The following MAP3K1 variants were observed in gnomAD, a reference collection of about 807,000 sequenced individuals.
MAP3K1 encodes MAP/ERK kinase kinase 1.
Under a neutral mutation model 144.2 loss-of-function variants are expected in MAP3K1, and 36 were observed. That is an observed-to-expected ratio of 0.25 (90% CI 0.19 to 0.33). The LOEUF (loss-of-function observed/expected upper bound fraction) is 0.33, where lower values mean the gene tolerates loss of function less well. Ranked by LOEUF, MAP3K1 falls within the 10% of genes least tolerant of loss-of-function variation. The pLI is 1.00. For missense variants in MAP3K1, 1,650 were observed against 1,881.9 expected, an observed-to-expected ratio of 0.88 and a Z score of 2.28; for synonymous variants, 718 against 688.7, an observed-to-expected ratio of 1.04 and a Z score of -0.67.
intron 1 of MAP3K1, among the ~76,000 whole-genome samples, chr5:56,826,500 T>A (rs973925818): frequency 6.6e-6 from 1 of 152,214 alleles, no homozygotes; most frequent in African/African-American, 2.4e-5. Context: ...AGGGAAAAAA[T>A]GTTGCTGCCA....
chr5:56,849,602 G>A (rs73135053), intron 1 of MAP3K1, among the ~76,000 whole-genome samples: 5,988 of 152,152 alleles, frequency 0.039, 417 homozygotes, highest in African/African-American at 0.14. Flanking sequence ...TATAAATGTT[G>A]TATCATATAA....
intron 1 of MAP3K1, among the ~76,000 whole-genome samples, chr5:56,825,284 A>T (rs1746277478): frequency 6.6e-6 from 1 of 152,210 alleles, no homozygotes; most frequent in Non-Finnish European, 1.5e-5. Context: ...AAGTGCTGAG[A>T]TTACAGGTGT....
intron 1 of MAP3K1, among the ~76,000 whole-genome samples, chr5:56,828,369 A>G (rs1443301198): frequency 6.6e-6 from 1 of 152,202 alleles, no homozygotes; most frequent in Non-Finnish European, 1.5e-5. Context: ...TCTCAGTTCC[A>G]TTCAAGCTCT....
chr5:56,851,257 T>C (rs1747161690), intron 1 of MAP3K1, among the ~76,000 whole-genome samples: 1 of 152,192 alleles, frequency 6.6e-6, no homozygotes, highest in South Asian at 2.1e-4. Flanking sequence ...GGATTCTATT[T>C]TTGAGTGTTT....
At chr5:56,867,738 C>T (rs1579763104) in intron 6 of MAP3K1, among the ~76,000 whole-genome samples, 1 of 152,184 alleles carries the variant, frequency 6.6e-6, no homozygotes, top group South Asian at 2.1e-4. Context: ...ATTCATTGAT[C>T]CAGTAAATGT....
Position 56,894,711 on chromosome 5 carries a change from A to T in MAP3K1, c.*1031A>T, listed in dbSNP as rs1044709989. 4.7e-5 allele frequency: 11 copies of T among 232,236 alleles called. No individual in the cohort carries two copies. Among genetic ancestry groups the T allele is most frequent in the African/African-American group, 2.4e-4 (11 of 45,310 alleles). 14.4% of individuals were successfully genotyped at this position (232,236 alleles called of 1,614,324 possible). On this transcript the variant is annotated 3_prime_UTR_variant, in exon 20 of 20. Coordinates refer to ENST00000399503, the MANE Select transcript of MAP3K1 (RefSeq NM_005921.2). ...TCACCTTCACTACTGGTAGTAACAT[A>T]GAGCTGCCATTTTCCTTTTACCATG...
rs762996662 is a variant in MAP3K1, at chr5:56,815,811, C to T, written c.238C>T (p.Leu80Phe). ...CCAGCTGCCTGAGCAGCCGCTCTTC[C>T]TTGCCGCCTCACCGCCGGCCTCCTC... is the stretch of plus-strand genomic sequence containing the variant. ...LDQLPEQPLF[L>F]AASPPASSTS... Residue 80 changes from leucine to phenylalanine, a missense_variant, in exon 1 of 20, where the codon CTT becomes TTT. Leu to Phe is a conservative substitution (Grantham distance 22). This residue lies in a region of MAP3K1 where 360 missense variants were observed against 274.7 expected (regional missense o/e 1.31). Transcript: ENST00000399503. The T allele has an allele frequency of 2.1e-6, 3 of 1,422,842 alleles. No homozygotes were observed. Among genetic ancestry groups the T allele is most frequent in the Middle Eastern group, 2.4e-4 (1 of 4,086 alleles). The allele number at this position is 1,422,842 out of a possible 1,614,324, so 88.1% of individuals were successfully genotyped here.
At chr5:56,874,158 C>T (rs1747943727) in intron 9 of MAP3K1, among the ~76,000 whole-genome samples, 2 of 152,252 alleles carry the variant, frequency 1.3e-5, no homozygotes, top group African/African-American at 4.8e-5. Flanking sequence ...GGTTCATTCT[C>T]CCATAATATC....
At chr5:56,883,904 T>G (rs1452300812) in intron 15 of MAP3K1, among the ~76,000 whole-genome samples, 1 of 152,184 alleles carries the variant, frequency 6.6e-6, no homozygotes, top group Non-Finnish European at 1.5e-5. Flanking sequence ...ATCCCAGCAC[T>G]TTGGGAGGCC....
chr5:56,890,478 T>G (rs1051721657), intron 19 of MAP3K1, among the ~76,000 whole-genome samples: 1 of 152,196 alleles, frequency 6.6e-6, no homozygotes, highest in African/African-American at 2.4e-5. Flanking sequence ...TTTATGGTAG[T>G]ATAAATTGCC....
At position 56,865,324 on chromosome 5, in the gene MAP3K1, C is replaced by A; in HGVS notation, c.1036-16C>A. 6.9e-7 allele frequency: 1 copy of A among 1,459,356 alleles called. No homozygotes were observed. The highest frequency in any genetic ancestry group is 1.1e-5 in the South Asian group (1 of 87,758). The allele number at this position is 1,459,356 out of a possible 1,614,324, so 90.4% of individuals were successfully genotyped here. ...ACAGATGTATTAACCTATAGGTTTT[C>A]TTTTTAACTCTTTAGAACTGCAGCT... On this transcript the variant is annotated splice_polypyrimidine_tract_variant and intron_variant, in intron 4 of 19. Transcript: ENST00000399503.
chr5:56,851,821 C>G (rs1283369283), intron 1 of MAP3K1, among the ~76,000 whole-genome samples: 2 of 152,152 alleles, frequency 1.3e-5, no homozygotes, highest in African/African-American at 4.8e-5. Context: ...ACCCTTAGGA[C>G]TGGGCAGACC....
In MAP3K1 at chr5:56,885,915, T is replaced by G; in HGVS notation, c.3983-17T>G. The G allele has an allele frequency of 6.2e-7, 1 of 1,609,894 alleles. No homozygotes were observed. The highest frequency in any genetic ancestry group is 8.5e-7 in the Non-Finnish European group (1 of 1,176,340). On this transcript the variant is annotated splice_polypyrimidine_tract_variant and intron_variant, in intron 16 of 19. Transcript: ENST00000399503. ...TTCTGTCTTAAGTTTATGATAATTA[T>G]TTCTATTGTCTTATAGGGGGATCGG... is the stretch of plus-strand genomic sequence containing the variant.
Position 56,856,487 on chromosome 5 carries a change from T to C in MAP3K1, c.483-113T>C, listed in dbSNP as rs374405405. 5.9e-5 allele frequency: 55 copies of C among 935,388 alleles called. 1 individual carries two copies. Among genetic ancestry groups the C allele is most frequent in the African/African-American group, 4.0e-4 (24 of 60,262 alleles). 57.9% of individuals were successfully genotyped at this position (935,388 alleles called of 1,614,324 possible). A position where few individuals can be genotyped will look rare whatever the true frequency, so the allele number is the denominator to read the frequency against. On this transcript the variant is annotated intron_variant, in intron 1 of 19. Coordinates refer to ENST00000399503, the MANE Select transcript of MAP3K1 (RefSeq NM_005921.2). ...ATTTGGGGTTTTTAGCAGTTATCTT[T>C]TTTATTACATGTCCGTTGGAAGTAT...
chr5:56,842,807 A>G (rs1027109814), intron 1 of MAP3K1, among the ~76,000 whole-genome samples: 4 of 152,202 alleles, frequency 2.6e-5, no homozygotes, highest in African/African-American at 7.2e-5. Flanking sequence ...GCTACTTTAT[A>G]TGGTAGATAC....
intron 1 of MAP3K1, among the ~76,000 whole-genome samples, chr5:56,828,903 T>G (rs1746398839): frequency 6.6e-6 from 1 of 152,114 alleles, no homozygotes; most frequent in African/African-American, 2.4e-5. Context: ...AAGTTAAAAA[T>G]GCATCGCTTG....
At chr5:56,821,790 C>G (rs1263441242) in intron 1 of MAP3K1, among the ~76,000 whole-genome samples, 1 of 152,098 alleles carries the variant, frequency 6.6e-6, no homozygotes. Context: ...GTTAACAGAC[C>G]AGGAACTTTA....
intron 5 of MAP3K1, 35 bp from the exon 6 acceptor site, chr5:56,865,794 C>T (rs779440158): frequency 1.2e-6 from 2 of 1,607,908 alleles, no homozygotes; most frequent in South Asian, 2.2e-5. Flanking sequence ...AATTATGGCA[C>T]AAATATCATT....
At chr5:56,884,554 A>C (rs943435849) in intron 15 of MAP3K1, 110 bp from the exon 16 acceptor site, 2 of 966,268 alleles carry the variant, frequency 2.1e-6, no homozygotes, top group Middle Eastern at 2.3e-4. Flanking sequence ...TGCATCCATA[A>C]GCATAAATGC....
Sources: allele counts gnomAD v4.1 joint callset (sites outside exome capture counted in the v4.1 genomes callset), GRCh38; gene constraint gnomAD v4.1.1; regional missense constraint gnomAD v4.1.1; transcripts MANE v1.5; gene names NCBI Gene and HGNC (gene_info 2026-07-23, HGNC 2026-07-21).